Variants in DLG2 observed in about 807,000 individuals in gnomAD.
DLG2 encodes the protein disks large homolog 2.
In DLG2, 45 loss-of-function variants were observed where a neutral mutation model predicts 132.5. The observed-to-expected ratio is 0.34, with a 90% CI of 0.27 to 0.44. The LOEUF (loss-of-function observed/expected upper bound fraction) is 0.44. Ranked by LOEUF, DLG2 falls within the 20% of genes least tolerant of loss-of-function variation. The probability of loss-of-function intolerance (pLI) is 1.00; values close to 1 mark genes in which losing one functional copy is unlikely to be tolerated. For missense variants in DLG2, 1,045 were observed against 1,196.9 expected (o/e 0.87, Z 1.87); for synonymous variants, 424 against 419.6 (o/e 1.01, Z -0.13).
chr11:84,170,457 T>C (rs955746517), intron 8 of DLG2, among the ~76,000 whole-genome samples: 3 of 152,064 alleles, frequency 2.0e-5, no homozygotes, highest in African/African-American at 7.2e-5. Flanking sequence ...AATGGAAACA[T>C]GTAACAAAGC....
At chr11:84,171,129 T>C (rs567843861) in intron 8 of DLG2, among the ~76,000 whole-genome samples, 51 of 152,230 alleles carry the variant, frequency 3.4e-4, no homozygotes, top group Non-Finnish European at 4.6e-4. Flanking sequence ...AAAGAGTAAG[T>C]AGCTGTTTCT....
Position 85,550,189 on chromosome 11 carries a change from T to C in DLG2, c.40+48468A>G, listed in dbSNP as rs574429507. Among the ~76,000 whole-genome samples, 9 of 152,314 alleles carry C rather than the reference T, an allele frequency of 5.9e-5. No homozygotes were observed. In the East Asian group the frequency reaches 1.7e-3, roughly 29 times the overall value. Reference sequence around the variant, plus strand: ...GACAAGAGCTCAGGAGCCACAAGTATGATACAAAAGGACGTCATACTGGCC... The same window carrying C: ...GACAAGAGCTCAGGAGCCACAAGTACGATACAAAAGGACGTCATACTGGCC... On this transcript the variant is annotated intron_variant, in intron 3 of 27. Coordinates refer to ENST00000376104, the MANE Select transcript of DLG2 (RefSeq NM_001142699.3).
chr11:84,917,757 A>G (rs1425710107), intron 6 of DLG2, among the ~76,000 whole-genome samples: 1 of 152,156 alleles, frequency 6.6e-6, no homozygotes, highest in Admixed American at 6.5e-5. Context: ...TTTGTTAGAA[A>G]TTGTAAATCT....
At chr11:84,768,724 A>G (rs1381797859) in intron 6 of DLG2, among the ~76,000 whole-genome samples, 2 of 152,098 alleles carry the variant, frequency 1.3e-5, no homozygotes, top group South Asian at 2.1e-4. Context: ...CTGAAAAAAA[A>G]TGTAGATGAT....
rs1302963183 is a variant in DLG2, at chr11:83,825,154, T to TATAC, written c.1722+8459_1722+8460insGTAT. ...ATATACACACACACACACACACACA[T>TATAC]ATATATATATATATATATTTTTTTT... On this transcript the variant is annotated intron_variant, in intron 17 of 27. Transcript: ENST00000376104. 8.9e-3 allele frequency among the ~76,000 whole-genome samples: 427 copies of TATAC among 48,246 alleles called. 3 individuals are homozygous for TATAC. The highest frequency in any genetic ancestry group is 0.03 in the African/African-American group (413 of 13,908). The allele number at this position is 48,246 out of a possible 152,430, so 31.7% of individuals were successfully genotyped here.
chr11:84,243,062 A>G (rs960302430), intron 8 of DLG2, among the ~76,000 whole-genome samples: 4 of 150,910 alleles, frequency 2.7e-5, no homozygotes, highest in African/African-American at 9.7e-5. Context: ...TAAAGAACCT[A>G]GAGTATAATC....
rs373554007 is a variant in DLG2, at chr11:84,298,694, C to T, written c.520-47403G>A. Among the ~76,000 whole-genome samples the T allele has an allele frequency of 4.3e-4, 65 of 152,206 alleles. 1 individual carries two copies. The South Asian group carries it at 0.013, about 31-fold the overall frequency. On this transcript the variant is annotated intron_variant, in intron 7 of 27. Transcript: ENST00000376104. Reference sequence around the variant, plus strand: ...TTTGTGGGAGCACAGAGAAATGAAGCCCTCAAATAAGATAACATTAGAAAT... The same window carrying T: ...TTTGTGGGAGCACAGAGAAATGAAGTCCTCAAATAAGATAACATTAGAAAT...
intron 3 of DLG2, among the ~76,000 whole-genome samples, chr11:85,542,297 T>C (rs1401097270): frequency 6.6e-6 from 1 of 152,172 alleles, no homozygotes. Context: ...AAGCAATCTC[T>C]TGGAAATATA....
intron 18 of DLG2, among the ~76,000 whole-genome samples, chr11:83,637,400 C>T (rs571948072): frequency 1.3e-5 from 2 of 152,100 alleles, no homozygotes; most frequent in Non-Finnish European, 2.9e-5. Context: ...TGAGCACCTG[C>T]AATGAGCTAG....
At chr11:84,108,801 C>T (rs558376077) in intron 9 of DLG2, among the ~76,000 whole-genome samples, 25 of 152,092 alleles carry the variant, frequency 1.6e-4, no homozygotes, top group African/African-American at 5.8e-4. Context: ...AGGCAAGTTG[C>T]TGTAGTCCAG....
At chr11:84,710,891 G>C (rs939001593) in intron 6 of DLG2, among the ~76,000 whole-genome samples, 1 of 150,828 alleles carries the variant, frequency 6.6e-6, no homozygotes, top group South Asian at 2.1e-4. Context: ...GGATGCTATT[G>C]TTATTCTATC....
At chr11:83,920,999 A>G (rs2154120915) in intron 15 of DLG2, among the ~76,000 whole-genome samples, 1 of 152,294 alleles carries the variant, frequency 6.6e-6, no homozygotes, top group Middle Eastern at 3.4e-3. Flanking sequence ...CTACTATAAT[A>G]TTCAGTCAAT....
chr11:83,921,266 A>G (rs2077836231), intron 15 of DLG2, among the ~76,000 whole-genome samples: 1 of 152,156 alleles, frequency 6.6e-6, no homozygotes, highest in African/African-American at 2.4e-5. Context: ...TGTCATTGTT[A>G]CTATTAGTAC....
chr11:84,751,291 C>A (rs1361201743), intron 6 of DLG2, among the ~76,000 whole-genome samples: 1 of 152,152 alleles, frequency 6.6e-6, no homozygotes, highest in East Asian at 1.9e-4. Context: ...CTCACTTAAT[C>A]CTCAAAAGAA....
chr11:85,431,084 G>A (rs2091151690), intron 3 of DLG2, among the ~76,000 whole-genome samples: 1 of 152,128 alleles, frequency 6.6e-6, no homozygotes, highest in African/African-American at 2.4e-5. Context: ...GAATGCTTCT[G>A]TCAAGTTTTT....
At chr11:84,615,097 T>A (rs2099601621) in intron 6 of DLG2, among the ~76,000 whole-genome samples, 1 of 152,184 alleles carries the variant, frequency 6.6e-6, no homozygotes, top group Non-Finnish European at 1.5e-5. Context: ...CCTTGATTTA[T>A]TCTGTCACTA....
chr11:84,806,166 G>T (rs1454926869), intron 6 of DLG2, among the ~76,000 whole-genome samples: 3 of 152,050 alleles, frequency 2.0e-5, no homozygotes, highest in African/African-American at 7.3e-5. Flanking sequence ...AATCACAAGA[G>T]CCTCAGGGAT....
At chr11:84,045,775 G>C (rs1311499538) in intron 11 of DLG2, among the ~76,000 whole-genome samples, 1 of 151,160 alleles carries the variant, frequency 6.6e-6, no homozygotes, top group East Asian at 1.9e-4. Context: ...CAAAATAAAG[G>C]GATTAAAAAT....
chr11:85,420,625 C>G (rs1348064911), intron 3 of DLG2, among the ~76,000 whole-genome samples: 2 of 152,196 alleles, frequency 1.3e-5, no homozygotes, highest in Non-Finnish European at 2.9e-5. Flanking sequence ...CAGAGATGTC[C>G]TGCCCAGAAA....
Sources: allele counts gnomAD v4.1 joint callset (sites outside exome capture counted in the v4.1 genomes callset), GRCh38; gene constraint gnomAD v4.1.1; transcripts MANE v1.5; gene names NCBI Gene and HGNC (gene_info 2026-07-23, HGNC 2026-07-21).